Variants in EXT2 observed in about 807,000 individuals in gnomAD.
The protein encoded by EXT2 is exostosin glycosyltransferase 2.
In EXT2, 53 loss-of-function variants were observed where a neutral mutation model predicts 81.6. The ratio of observed to expected loss-of-function variants is 0.65; its 90% CI spans 0.52 to 0.82. The LOEUF (loss-of-function observed/expected upper bound fraction) is 0.82. Ranked by LOEUF, EXT2 falls within the 40% of genes least tolerant of loss-of-function variation. The probability of loss-of-function intolerance (pLI) is 0.00; values close to 1 mark genes in which losing one functional copy is unlikely to be tolerated. For missense variants in EXT2, 774 were observed against 910.2 expected (o/e 0.85, Z 1.93); for synonymous variants, 320 against 340.0 (o/e 0.94, Z 0.65).
At chr11:44,171,997 G>A in intron 8 of EXT2, 1 of 518,132 alleles carries the variant, frequency 1.9e-6, no homozygotes. Flanking sequence ...GATAAGTAAG[G>A]AGGCATGGGT....
intron 10 of EXT2, among the ~76,000 whole-genome samples, chr11:44,227,757 TCAGGTAAGAGGTGTTGAGGACCAA>T (rs1266746776): frequency 2.0e-5 from 3 of 152,296 alleles, no homozygotes; most frequent in South Asian, 2.1e-4. Context: ...ATTTCCATAA[TCAGGTAAGAGGTGTTGAGGACCAA>T]CAGGTAAGAG....
At chr11:44,146,097 G>A (rs1354825047) in intron 7 of EXT2, among the ~76,000 whole-genome samples, 1 of 152,210 alleles carries the variant, frequency 6.6e-6, no homozygotes, top group Non-Finnish European at 1.5e-5. Context: ...TCTCGCAGAT[G>A]GCTGCCCTCT....
chr11:44,095,981 TG>T, intron 1 of EXT2, 129 bp downstream of exon 1: 1 of 487,438 alleles, frequency 2.1e-6, no homozygotes, highest in East Asian at 3.9e-5. Context: ...TGGAGGCCCG[TG>T]GGCTGCGAGA....
At position 44,157,609 on chromosome 11, in the gene EXT2, C is replaced by T. The variant is rs565667817; in HGVS notation, c.1174-14002C>T. Among the ~76,000 whole-genome samples the T allele has an allele frequency of 1.7e-3, 255 of 152,278 alleles. 3 individuals are homozygous for T. The highest frequency in any genetic ancestry group is 6.5e-4 in the Non-Finnish European group (44 of 68,014). ...GTGGTGAATGCTCTCAGGCCTGGGTCGCTCCCTTCGGGGCAGCAGTCTCCC... is the reference window on the plus strand; with the variant it reads ...GTGGTGAATGCTCTCAGGCCTGGGTTGCTCCCTTCGGGGCAGCAGTCTCCC... On this transcript the variant is annotated intron_variant, in intron 7 of 13. Transcript: ENST00000533608.
intron 13 of EXT2, among the ~76,000 whole-genome samples, chr11:44,241,147 C>T (rs1956032509): frequency 6.6e-6 from 1 of 152,118 alleles, no homozygotes; most frequent in Non-Finnish European, 1.5e-5. Context: ...GAGTAGCTTC[C>T]ATTACTACCC....
At chr11:44,193,977 G>A (rs1291932839) in intron 8 of EXT2, among the ~76,000 whole-genome samples, 2 of 152,180 alleles carry the variant, frequency 1.3e-5, no homozygotes, top group Non-Finnish European at 2.9e-5. Context: ...GACCCGATCT[G>A]TTGTCTTGCC....
intron 4 of EXT2, among the ~76,000 whole-genome samples, chr11:44,118,114 A>C (rs986073022): frequency 6.6e-6 from 1 of 152,244 alleles, no homozygotes; most frequent in Non-Finnish European, 1.5e-5. Context: ...TACAAGGTTA[A>C]ATATAAGCAC....
chr11:44,237,303 C>A (rs987759887), intron 13 of EXT2, among the ~76,000 whole-genome samples: 1 of 152,068 alleles, frequency 6.6e-6, no homozygotes, highest in African/African-American at 2.4e-5. Flanking sequence ...AAAGTTGTTT[C>A]AGTTGGCCTG....
At chr11:44,106,321 T>A (rs778502347) in intron 1 of EXT2, among the ~76,000 whole-genome samples, 10 of 152,104 alleles carry the variant, frequency 6.6e-5, no homozygotes, top group Non-Finnish European at 1.5e-4. Context: ...TTCTCTTCCT[T>A]TTCCTCCCTC....
intron 7 of EXT2, among the ~76,000 whole-genome samples, chr11:44,165,094 G>T (rs930002933): frequency 6.6e-6 from 1 of 152,036 alleles, no homozygotes; most frequent in African/African-American, 2.4e-5. Flanking sequence ...TAGCCGGGAT[G>T]GTCTCGATCT....
intron 10 of EXT2, among the ~76,000 whole-genome samples, chr11:44,213,072 T>C (rs1167945296): frequency 1.3e-5 from 2 of 151,830 alleles, no homozygotes; most frequent in Admixed American, 1.3e-4. Flanking sequence ...GAAAAAAAAA[T>C]TGTGGGATGC....
intron 7 of EXT2, among the ~76,000 whole-genome samples, chr11:44,148,187 CA>C (rs1335905456): frequency 3.3e-5 from 5 of 152,258 alleles, no homozygotes; most frequent in East Asian, 3.9e-4. Flanking sequence ...AGAAAGAGAT[CA>C]GGAGTGAATG....
At chr11:44,106,841 CTGGTCT>C (rs566693829) in intron 1 of EXT2, among the ~76,000 whole-genome samples, 14 of 152,192 alleles carry the variant, frequency 9.2e-5, no homozygotes, top group Non-Finnish European at 8.8e-5. Context: ...GTTGGCCATG[CTGGTCT>C]TGAATTCCTG....
intron 10 of EXT2, among the ~76,000 whole-genome samples, chr11:44,221,075 A>G (rs1440031932): frequency 6.6e-6 from 1 of 152,192 alleles, no homozygotes; most frequent in Non-Finnish European, 1.5e-5. Context: ...CATTAATGAA[A>G]CATCCAATGT....
chr11:44,130,226 G>A, intron 7 of EXT2, 88 bp downstream of exon 7: 1 of 1,024,338 alleles, frequency 9.8e-7, no homozygotes, highest in Non-Finnish European at 1.5e-6. Flanking sequence ...CTGAATGCCT[G>A]AGTGGGGTTT....
chr11:44,170,735 G>A (rs996052597), intron 7 of EXT2, among the ~76,000 whole-genome samples: 2 of 151,760 alleles, frequency 1.3e-5, no homozygotes, highest in African/African-American at 4.8e-5. Context: ...TTATGAAACT[G>A]ATATACACAC....
intron 10 of EXT2, among the ~76,000 whole-genome samples, chr11:44,215,936 G>T (rs945916029): frequency 4.0e-5 from 6 of 150,792 alleles, no homozygotes; most frequent in Non-Finnish European, 8.8e-5. Flanking sequence ...GACTGCAGTG[G>T]CGCAATCTCG....
intron 9 of EXT2, among the ~76,000 whole-genome samples, chr11:44,200,407 G>T (rs1299280201): frequency 6.6e-6 from 1 of 152,016 alleles, no homozygotes; most frequent in East Asian, 1.9e-4. Flanking sequence ...CTTAGACTAG[G>T]CAATTGAAAT....
In EXT2 at chr11:44,206,876, G is replaced by A; in HGVS notation, c.1579G>A (p.Asp527Asn). Reference sequence around the variant, plus strand: ...GTTAAGTAACCGTTTCTTCCCTTATGATGAAATCGAGACAGAAGCTGTTCT... The same window carrying A: ...GTTAAGTAACCGTTTCTTCCCTTATAATGAAATCGAGACAGAAGCTGTTCT... ...NKLSNRFFPY[D>N]EIETEAVLAI... Residue 527 changes from aspartate to asparagine, a missense_variant, in exon 10 of 14, where the codon GAT becomes AAT. Physicochemically the swap from Asp to Asn is conservative, Grantham distance 23. Transcript: ENST00000533608. The A allele has an allele frequency of 6.2e-7, 1 of 1,614,152 alleles. No individual in the cohort carries two copies.
Sources: gnomAD v4.1 joint callset for allele counts (sites outside exome capture counted in the v4.1 genomes callset) on GRCh38, gnomAD v4.1.1 for gene constraint, MANE v1.5 for transcripts, NCBI Gene and HGNC (gene_info 2026-07-23, HGNC 2026-07-21) for gene names.